AIG1: variants seen among roughly 807,000 people sequenced by gnomAD.
AIG1 encodes androgen-induced gene 1 protein.
AIG1 carries 23 observed loss-of-function variants against 31.4 expected under a neutral mutation model. The observed-to-expected ratio is 0.73, with a 90% CI of 0.53 to 1.04. The LOEUF (loss-of-function observed/expected upper bound fraction) is 1.04. Among genes scored for constraint, AIG1 ranks in the 50% least tolerant of loss-of-function variants. The pLI is 0.00. For synonymous variants in AIG1, 100 were observed against 110.5 expected, an observed-to-expected ratio of 0.90 and a Z score of 0.60; for missense variants, 274 against 295.0, an observed-to-expected ratio of 0.93 and a Z score of 0.52.
Position 143,284,620 on chromosome 6 carries a change from A to G in AIG1, c.515+395A>G, listed in dbSNP as rs1037185227. On this transcript the variant is annotated intron_variant, in intron 4 of 5. Transcript: ENST00000357847. This position sits in a 1 kb window ranked among gnomAD's most constrained non-coding sequence, Gnocchi z 4.4. ...GAGAACAGAAGTGACCTCTTAGAGC[A>G]ATGACTTAAAACTTACTAGGAAACA... Among the ~76,000 whole-genome samples, 7 of 152,166 alleles carry G rather than the reference A, an allele frequency of 4.6e-5. No homozygotes were observed. The highest frequency in any genetic ancestry group is 9.7e-5 in the African/African-American group (4 of 41,428).
chr6:143,114,203 C>T (rs1030827832), intron 1 of AIG1, among the ~76,000 whole-genome samples: 1 of 152,182 alleles, frequency 6.6e-6, no homozygotes, highest in Non-Finnish European at 1.5e-5. Flanking sequence ...TATCTTCAAG[C>T]TGAGCTTTCA....
chr6:143,306,027 A>G (rs1195528462), intron 4 of AIG1, among the ~76,000 whole-genome samples: 2 of 148,020 alleles, frequency 1.4e-5, no homozygotes, highest in Non-Finnish European at 3.0e-5. Flanking sequence ...AGTCTGTTTT[A>G]TCACAGACTA....
intron 2 of AIG1, among the ~76,000 whole-genome samples, chr6:143,151,889 G>A (rs1484911587): frequency 3.3e-5 from 5 of 152,188 alleles, no homozygotes; most frequent in Non-Finnish European, 7.3e-5. Flanking sequence ...TGATGAATTC[G>A]GTTGCACAGT....
At chr6:143,075,364 C>T (rs560366132) in intron 1 of AIG1, among the ~76,000 whole-genome samples, 1 of 152,270 alleles carries the variant, frequency 6.6e-6, no homozygotes, top group South Asian at 2.1e-4. Context: ...GTCACCCAGG[C>T]TGGAGTGCAG....
intron 3 of AIG1, among the ~76,000 whole-genome samples, chr6:143,238,710 T>C (rs995635627): frequency 1.3e-5 from 2 of 152,246 alleles, no homozygotes; most frequent in Admixed American, 1.3e-4. Context: ...AAAGCTGGAA[T>C]GTTTGAAGGA....
intron 3 of AIG1, among the ~76,000 whole-genome samples, chr6:143,283,905 A>G (rs1161844727): frequency 2.0e-5 from 3 of 152,240 alleles, no homozygotes; most frequent in Admixed American, 6.5e-5. Context: ...AATTTCAAAA[A>G]TTAAGATACA....
chr6:143,141,836 G>T (rs1784270142), intron 2 of AIG1, among the ~76,000 whole-genome samples: 1 of 152,116 alleles, frequency 6.6e-6, no homozygotes, highest in Non-Finnish European at 1.5e-5. Flanking sequence ...TGACTTTTGT[G>T]TTGGCAGATA....
intron 3 of AIG1, among the ~76,000 whole-genome samples, chr6:143,173,346 A>G (rs1408407086): frequency 2.0e-5 from 3 of 152,218 alleles, no homozygotes; most frequent in African/African-American, 7.2e-5. Flanking sequence ...TAAAGACGTG[A>G]GCTGCTGCGC....
At chr6:143,179,577 T>C (rs1397259201) in intron 3 of AIG1, among the ~76,000 whole-genome samples, 1 of 152,194 alleles carries the variant, frequency 6.6e-6, no homozygotes, top group Non-Finnish European at 1.5e-5. Context: ...TCGTTTTTGA[T>C]TTACACTAAA....
chr6:143,093,487 C>G (rs187974455), intron 1 of AIG1, among the ~76,000 whole-genome samples: 1 of 152,292 alleles, frequency 6.6e-6, no homozygotes, highest in Non-Finnish European at 1.5e-5. Context: ...AAACTTTCTC[C>G]GTGTCAGCAA....
chr6:143,212,272 G>A (rs1377451603), intron 3 of AIG1, among the ~76,000 whole-genome samples: 1 of 152,058 alleles, frequency 6.6e-6, no homozygotes, highest in Non-Finnish European at 1.5e-5. Context: ...CATGCTTCGA[G>A]CCCATTCTTC....
In AIG1 at chr6:143,330,678, C is replaced by A. The variant is rs1392827242; in HGVS notation, c.516-2604C>A. ...TGACTCACATTTAATCCAGATCCAT[C>A]CGACTGCTCCAGTGCAAACACCCTG... On this transcript the variant is annotated intron_variant, in intron 4 of 5. Transcript: ENST00000357847. The surrounding 1 kb of genome is among the most constrained non-coding windows in gnomAD (Gnocchi z 4.4). Among the ~76,000 whole-genome samples, 1 of 152,134 alleles carries A rather than the reference C, an allele frequency of 6.6e-6. No homozygotes were observed.
intron 3 of AIG1, chr6:143,190,201 A>G: frequency 4.4e-6 from 4 of 916,870 alleles, no homozygotes; most frequent in Non-Finnish European, 5.1e-6. Flanking sequence ...GAGAAAAAGA[A>G]AGGAAAGTAC....
At chr6:143,085,049 C>G (rs1778636765) in intron 1 of AIG1, among the ~76,000 whole-genome samples, 1 of 152,202 alleles carries the variant, frequency 6.6e-6, no homozygotes, top group Non-Finnish European at 1.5e-5. Context: ...CATTACATCT[C>G]TCCATGTCAG....
intron 3 of AIG1, among the ~76,000 whole-genome samples, chr6:143,259,218 T>A (rs1405163207): frequency 2.0e-5 from 3 of 152,212 alleles, no homozygotes; most frequent in Middle Eastern, 3.2e-3. Flanking sequence ...AAACCTCTTT[T>A]CTTTATAAAA....
intron 2 of AIG1, among the ~76,000 whole-genome samples, chr6:143,154,230 G>A (rs1160900340): frequency 6.6e-6 from 1 of 152,010 alleles, no homozygotes; most frequent in Non-Finnish European, 1.5e-5. Flanking sequence ...TATAAGGCTG[G>A]ATAAAATAAT....
At chr6:143,118,634 G>A (rs138856701) in intron 1 of AIG1, among the ~76,000 whole-genome samples, 1 of 152,282 alleles carries the variant, frequency 6.6e-6, no homozygotes, top group African/African-American at 2.4e-5. Context: ...CTTATGTGTA[G>A]AGAACTTTTC....
chr6:143,094,933 C>T (rs548974507), intron 1 of AIG1, among the ~76,000 whole-genome samples: 2 of 151,816 alleles, frequency 1.3e-5, no homozygotes, highest in Non-Finnish European at 2.9e-5. Context: ...AAACAGAGCA[C>T]AATGCCATGA....
At chr6:143,169,657 G>A (rs1046103143) in intron 3 of AIG1, among the ~76,000 whole-genome samples, 1 of 151,998 alleles carries the variant, frequency 6.6e-6, no homozygotes, top group Non-Finnish European at 1.5e-5. Context: ...ACTTCTATGA[G>A]CTCATCATTT....
Sources: allele counts gnomAD v4.1 joint callset (sites outside exome capture counted in the v4.1 genomes callset), GRCh38; gene constraint gnomAD v4.1.1; non-coding constraint Gnocchi (gnomAD v3.1); transcripts MANE v1.5; gene names NCBI Gene and HGNC (gene_info 2026-07-23, HGNC 2026-07-21).